The following ABCB7 variants were observed in gnomAD, a reference collection of about 807,000 sequenced individuals.
ABCB7 encodes the protein ATP binding cassette subfamily B member 7.
In ABCB7, 7 loss-of-function variants were observed where a neutral mutation model predicts 54.4. That is an observed-to-expected ratio of 0.13 (90% CI 0.07 to 0.24). The LOEUF is 0.24. Among genes scored for constraint, ABCB7 ranks in the 10% least tolerant of loss-of-function variants. The probability of loss-of-function intolerance (pLI) is 1.00; values close to 1 mark genes in which losing one functional copy is unlikely to be tolerated. For missense variants in ABCB7, 356 were observed against 570.4 expected, an observed-to-expected ratio of 0.62 and a Z score of 3.83; for synonymous variants, 218 against 207.1, an observed-to-expected ratio of 1.05 and a Z score of -0.45.
rs894561702 is a variant in ABCB7 at position 75,117,269 on chromosome X, T to C, written c.169-2438A>G. On this transcript the variant is annotated intron_variant, in intron 1 of 15. Coordinates refer to ENST00000373394, the MANE Select transcript of ABCB7 (RefSeq NM_001271696.3). ...AAACCCTCGACCTAAAGGCTAACTT[T>C]GGGTAAGTGGTGAGGTCCAGTAGTA... Among the ~76,000 whole-genome samples, 3 of 110,003 alleles carry C rather than the reference T, an allele frequency of 2.7e-5. No individual in the cohort carries two copies. The Admixed American group carries it at 2.9e-4, about 11-fold the overall frequency.
In ABCB7 at chrX:75,070,452, A is replaced by G. The variant is rs1410518430; in HGVS notation, c.1278T>C (p.Phe426=). ...TAGTCTCTCTATATACAGTTCCCAG[A>G]AAGTTCAGGGGTAATGAAAGCTGAA... ...LLFQLSLPLN[F]LGTVYRETRQ... is the part of the protein sequence containing the mutation. Residue 426 remains phenylalanine (F), a synonymous_variant, in exon 10 of 16, where the codon TTT becomes TTC. Transcript: ENST00000373394. 2 of 1,210,520 alleles carry G rather than the reference A, an allele frequency of 1.7e-6. No individual in the cohort carries two copies. Among genetic ancestry groups the G allele is most frequent in the Admixed American group, 2.2e-5 (1 of 45,996 alleles).
At chrX:75,058,662 A>C (rs1022027933) in intron 15 of ABCB7, among the ~76,000 whole-genome samples, 4 of 111,908 alleles carry the variant, frequency 3.6e-5, no homozygotes, top group Non-Finnish European at 5.6e-5. Context: ...TATGATCATT[A>C]ATAAATTAGG....
intron 3 of ABCB7, among the ~76,000 whole-genome samples, chrX:75,106,919 A>G (rs1157836981): frequency 9.0e-6 from 1 of 111,376 alleles, no homozygotes; most frequent in African/African-American, 3.3e-5. Context: ...AAATCAGGTG[A>G]GCCCTCATAG....
intron 13 of ABCB7, 100 bp from the exon 14 acceptor site, chrX:75,062,531 T>C (rs1471804810): frequency 1.7e-6 from 1 of 604,137 alleles, no homozygotes; most frequent in African/African-American, 2.2e-5. Flanking sequence ...ACACTGAACA[T>C]TTCCTTATTC....
chrX:75,105,383 G>A (rs1195705917), intron 3 of ABCB7, among the ~76,000 whole-genome samples: 1 of 110,674 alleles, frequency 9.0e-6, no homozygotes, highest in Non-Finnish European at 1.9e-5. Flanking sequence ...AACAAGCAGA[G>A]AACCAATCAA....
At chrX:75,120,892 A>T (rs1226913868) in intron 1 of ABCB7, among the ~76,000 whole-genome samples, 1 of 110,729 alleles carries the variant, frequency 9.0e-6, no homozygotes, top group Non-Finnish European at 1.9e-5. Context: ...GAATTTAAAC[A>T]ACTGATAGGC....
chrX:75,069,216 T>C (rs1421637059), intron 11 of ABCB7, 75 bp downstream of exon 11: 1 of 1,199,098 alleles, frequency 8.3e-7, no homozygotes, highest in East Asian at 3.0e-5. Flanking sequence ...GTAATCATTT[T>C]GATAAAGAAA....
chrX:75,123,842 T>C (rs1249451821), intron 1 of ABCB7, among the ~76,000 whole-genome samples: 1 of 111,684 alleles, frequency 9.0e-6, no homozygotes, highest in Non-Finnish European at 1.9e-5. Context: ...AGGCATATCG[T>C]TTCTGTCACA....
chrX:75,070,663 T>G (rs1162269508), intron 9 of ABCB7, 141 bp from the exon 10 acceptor site: 29 of 617,309 alleles, frequency 4.7e-5, no homozygotes, highest in Middle Eastern at 4.6e-4. Context: ...TTTCAAAGCA[T>G]TAATCCACGA....
intron 1 of ABCB7, among the ~76,000 whole-genome samples, chrX:75,147,622 G>A (rs1001144143): frequency 2.7e-5 from 3 of 111,477 alleles, no homozygotes; most frequent in African/African-American, 9.8e-5. Context: ...TAAATGATGA[G>A]AACACATAGA....
intron 6 of ABCB7, among the ~76,000 whole-genome samples, chrX:75,074,982 C>A (rs1464212771): frequency 9.1e-6 from 1 of 109,980 alleles, no homozygotes; most frequent in East Asian, 2.8e-4. Flanking sequence ...CCCCCTGAAG[C>A]TAAAAGTTGA....
At chrX:75,129,978 A>G (rs1329819129) in intron 1 of ABCB7, among the ~76,000 whole-genome samples, 2 of 110,963 alleles carry the variant, frequency 1.8e-5, no homozygotes, top group African/African-American at 6.5e-5. Context: ...TTCCCATTTT[A>G]CAGATTAGAA....
At chrX:75,141,073 T>C (rs748362980) in intron 1 of ABCB7, among the ~76,000 whole-genome samples, 2 of 111,755 alleles carry the variant, frequency 1.8e-5, no homozygotes, top group African/African-American at 6.5e-5. Flanking sequence ...TGTCAATATG[T>C]TGGCATTTTT....
intron 4 of ABCB7, among the ~76,000 whole-genome samples, chrX:75,098,064 T>G (rs2081606692): frequency 9.0e-6 from 1 of 111,571 alleles, no homozygotes; most frequent in South Asian, 3.7e-4. Context: ...ATCCCAGCAC[T>G]TTGGGAGGTC....
intron 3 of ABCB7, among the ~76,000 whole-genome samples, chrX:75,104,114 C>G: frequency 1.6e-5 from 1 of 62,638 alleles, no homozygotes. Flanking sequence ...CTTCCCTATT[C>G]GGTATGTTGT....
At chrX:75,064,748 C>T (rs944446891) in intron 13 of ABCB7, among the ~76,000 whole-genome samples, 6 of 110,773 alleles carry the variant, frequency 5.4e-5, no homozygotes, top group South Asian at 3.8e-4. Flanking sequence ...AGGTAAAGAA[C>T]GATCTTGTTT....
chrX:75,115,040 C>T (rs180703027), intron 1 of ABCB7, among the ~76,000 whole-genome samples: 325 of 110,227 alleles, frequency 2.9e-3, no homozygotes, highest in East Asian at 0.02. Context: ...GAGGCTAAGG[C>T]GGGCGGATCA....
chrX:75,091,338 AAAG>A (rs1338584817), intron 4 of ABCB7, among the ~76,000 whole-genome samples: 1 of 111,548 alleles, frequency 9.0e-6, no homozygotes, highest in South Asian at 3.7e-4. Context: ...TCAACAAGCT[AAAG>A]AAGAAAAATC....
intron 1 of ABCB7, among the ~76,000 whole-genome samples, chrX:75,150,883 TG>T (rs1308721232): frequency 1.8e-5 from 2 of 111,294 alleles, no homozygotes; most frequent in Non-Finnish European, 3.8e-5. Flanking sequence ...AAAATTTTGA[TG>T]TAAGTTTCCA....
Sources: allele counts gnomAD v4.1 joint callset (sites outside exome capture counted in the v4.1 genomes callset), GRCh38; gene constraint gnomAD v4.1.1; transcripts MANE v1.5; gene names NCBI Gene and HGNC (gene_info 2026-07-23, HGNC 2026-07-21).